The following TRIM44 variants were observed in gnomAD, a reference collection of about 807,000 sequenced individuals.
The protein encoded by TRIM44 is tripartite motif-containing protein 44.
A neutral mutation model predicts 37.4 loss-of-function variants in TRIM44; 13 were observed. The ratio of observed to expected loss-of-function variants is 0.35; its 90% CI spans 0.23 to 0.55. The LOEUF (loss-of-function observed/expected upper bound fraction) is 0.55. Among genes scored for constraint, TRIM44 ranks in the 20% least tolerant of loss-of-function variants. TRIM44 has a pLI of 0.89. For synonymous variants in TRIM44, 175 were observed against 157.2 expected (o/e 1.11, Z -0.85); for missense variants, 426 against 437.2 (o/e 0.97, Z 0.23).
At chr11:35,771,795 A>G (rs1852875962) in intron 4 of TRIM44, among the ~76,000 whole-genome samples, 1 of 152,216 alleles carries the variant, frequency 6.6e-6, no homozygotes, top group Non-Finnish European at 1.5e-5. Context: ...GAAAATTTGC[A>G]GCCTCACAAT....
chr11:35,803,316 C>T (rs779949930), intron 4 of TRIM44, among the ~76,000 whole-genome samples: 5 of 151,900 alleles, frequency 3.3e-5, no homozygotes, highest in Non-Finnish European at 5.9e-5. Flanking sequence ...CTCTGAGTCC[C>T]ACTCCAGTTG....
intron 1 of TRIM44, among the ~76,000 whole-genome samples, chr11:35,670,261 G>T (rs1851378309): frequency 6.6e-6 from 1 of 152,180 alleles, no homozygotes; most frequent in South Asian, 2.1e-4. Flanking sequence ...ATCAAGAACT[G>T]CTTCGTGTAC....
At chr11:35,692,444 T>G (rs1851647827) in intron 2 of TRIM44, among the ~76,000 whole-genome samples, 1 of 152,144 alleles carries the variant, frequency 6.6e-6, no homozygotes, top group African/African-American at 2.4e-5. Flanking sequence ...CCAGAAGTAT[T>G]TTGAATTTTG....
At position 35,806,415 on chromosome 11, in the gene TRIM44, C is replaced by T; in HGVS notation, c.*30C>T. 2.5e-6 allele frequency: 4 copies of T among 1,612,842 alleles called. No individual in the cohort carries two copies. Among genetic ancestry groups the T allele is most frequent in the South Asian group, 1.1e-5 (1 of 91,054 alleles). ...TTGCTACCCCCAGTGGAAAATCATC[C>T]CCTCCCCTTGTGTGTATGTGACAGC... On this transcript the variant is annotated 3_prime_UTR_variant, in exon 5 of 5. Coordinates refer to ENST00000299413, the MANE Select transcript of TRIM44 (RefSeq NM_017583.6).
In TRIM44 at chr11:35,817,063, G is replaced by T. The variant is rs547251385; in HGVS notation, c.*10678G>T. On this transcript the variant is annotated 3_prime_UTR_variant, in exon 5 of 5. Transcript: ENST00000299413. ...TAACTCTTTGAAGGTTGTATTAGTC[G>T]TTTGCTCCTATATTACTAATGATGA... 1 of 152,124 alleles carries T rather than the reference G, an allele frequency of 6.6e-6. No homozygotes were observed. The highest frequency in any genetic ancestry group is 1.9e-4 in the East Asian group (1 of 5,196). 9.4% of individuals were successfully genotyped at this position (152,124 alleles called of 1,614,324 possible).
At position 35,817,877 on chromosome 11, in the gene TRIM44, C is replaced by G. The variant is rs1477390744; in HGVS notation, c.*11492C>G. The G allele has an allele frequency of 6.6e-6, 1 of 152,164 alleles. No homozygotes were observed. Among genetic ancestry groups the G allele is most frequent in the Non-Finnish European group, 1.5e-5 (1 of 68,040 alleles). The allele number at this position is 152,164 out of a possible 1,614,324, so 9.4% of individuals were successfully genotyped here. A position where few individuals can be genotyped will look rare whatever the true frequency, so the allele number is the denominator to read the frequency against. On this transcript the variant is annotated 3_prime_UTR_variant, in exon 5 of 5. Coordinates refer to ENST00000299413, the MANE Select transcript of TRIM44 (RefSeq NM_017583.6). ...CCTTCTGCTCTGGCCATGTAAAGTGCTCACTCCCCCTTTGCCTTCCACCAT... is the reference window on the plus strand; with the variant it reads ...CCTTCTGCTCTGGCCATGTAAAGTGGTCACTCCCCCTTTGCCTTCCACCAT...
At chr11:35,713,920 T>G (rs1852008221) in intron 2 of TRIM44, among the ~76,000 whole-genome samples, 1 of 152,304 alleles carries the variant, frequency 6.6e-6, no homozygotes, top group Non-Finnish European at 1.5e-5. Context: ...ATCATTGAAG[T>G]AGACTGACCC....
chr11:35,705,502 A>G (rs976922002), intron 2 of TRIM44, among the ~76,000 whole-genome samples: 1 of 152,222 alleles, frequency 6.6e-6, no homozygotes, highest in Admixed American at 6.5e-5. Context: ...AATTGACCAC[A>G]TAGTGGGAAG....
chr11:35,768,650 A>G (rs1185082547), intron 4 of TRIM44, among the ~76,000 whole-genome samples: 1 of 152,236 alleles, frequency 6.6e-6, no homozygotes, highest in Non-Finnish European at 1.5e-5. Flanking sequence ...ATACTTGGTA[A>G]CAAAAATGGC....
intron 4 of TRIM44, among the ~76,000 whole-genome samples, chr11:35,773,323 A>G (rs368011812): frequency 2.0e-5 from 3 of 151,638 alleles, no homozygotes; most frequent in African/African-American, 7.3e-5. Context: ...CCACTTTTTC[A>G]TGGAGTTACT....
intron 4 of TRIM44, among the ~76,000 whole-genome samples, chr11:35,788,834 G>A (rs1324131191): frequency 6.6e-6 from 1 of 152,182 alleles, no homozygotes; most frequent in Non-Finnish European, 1.5e-5. Context: ...GGTGGCTGGA[G>A]AAGCAGTTTG....
At chr11:35,683,588 A>T (rs147595325) in intron 1 of TRIM44, among the ~76,000 whole-genome samples, 1 of 152,064 alleles carries the variant, frequency 6.6e-6, no homozygotes, top group Admixed American at 6.6e-5. Context: ...TTATTCTTGT[A>T]CTTCTTTGTT....
intron 1 of TRIM44, among the ~76,000 whole-genome samples, chr11:35,669,097 A>T (rs1851363496): frequency 6.6e-6 from 1 of 152,092 alleles, no homozygotes; most frequent in Admixed American, 6.5e-5. Context: ...GGTTCTGTGT[A>T]GCTGTGTAGC....
At chr11:35,759,275 C>T (rs1015284478) in intron 4 of TRIM44, among the ~76,000 whole-genome samples, 3 of 152,332 alleles carry the variant, frequency 2.0e-5, no homozygotes, top group East Asian at 1.9e-4. Context: ...GATACCCTTT[C>T]TACCAGTTGA....
intron 1 of TRIM44, among the ~76,000 whole-genome samples, chr11:35,673,852 C>T (rs1028175676): frequency 1.5e-4 from 23 of 151,980 alleles, no homozygotes; most frequent in African/African-American, 4.4e-4. Flanking sequence ...AGGGAGGTTG[C>T]CCTGCCTGCC....
chr11:35,802,479 A>C (rs1298927773), intron 4 of TRIM44, among the ~76,000 whole-genome samples: 1 of 152,210 alleles, frequency 6.6e-6, no homozygotes. Context: ...TACAGAGCAC[A>C]GGCATGTTTC....
At chr11:35,797,654 A>T (rs1366427578) in intron 4 of TRIM44, among the ~76,000 whole-genome samples, 1 of 152,234 alleles carries the variant, frequency 6.6e-6, no homozygotes, top group Non-Finnish European at 1.5e-5. Flanking sequence ...TAATTGTGAG[A>T]AAAACATCAG....
chr11:35,676,914 ATTTTGAGACTGTTG>A (rs1409241087), intron 1 of TRIM44, among the ~76,000 whole-genome samples: 40 of 152,242 alleles, frequency 2.6e-4, no homozygotes, highest in African/African-American at 7.2e-4. Context: ...CTGTTTTTGA[ATTTTGAGACTGTTG>A]TTTTGAGACT....
chr11:35,689,121 G>C (rs897759525), intron 2 of TRIM44, among the ~76,000 whole-genome samples: 1 of 152,204 alleles, frequency 6.6e-6, no homozygotes, highest in Non-Finnish European at 1.5e-5. Context: ...ACTTCCAACA[G>C]AGAATTAGCA....
Sources: allele counts gnomAD v4.1 joint callset (sites outside exome capture counted in the v4.1 genomes callset), GRCh38; gene constraint gnomAD v4.1.1; transcripts MANE v1.5; gene names NCBI Gene and HGNC (gene_info 2026-07-23, HGNC 2026-07-21).